Variants in TARS1 observed in about 807,000 individuals in gnomAD.
TARS1 encodes threonine--tRNA ligase 1, cytoplasmic.
Under a neutral mutation model 97.7 loss-of-function variants are expected in TARS1, and 57 were observed. The ratio of observed to expected loss-of-function variants is 0.58; its 90% confidence interval spans 0.47 to 0.73. TARS1 has a LOEUF of 0.73. Ranked by LOEUF, TARS1 falls within the 30% of genes least tolerant of loss-of-function variation. The pLI, the probability that TARS1 is intolerant of heterozygous loss-of-function variation, is 0.00. For missense variants in TARS1, 806 were observed against 888.3 expected, an observed-to-expected ratio of 0.91 and a Z score of 1.18; for synonymous variants, 312 against 293.7, an observed-to-expected ratio of 1.06 and a Z score of -0.64.
At chr5:33,443,306 C>CTCTCTCTCT (rs1561066108) in intron 1 of TARS1, among the ~76,000 whole-genome samples, 18 of 85,562 alleles carry the variant, frequency 2.1e-4, no homozygotes, top group East Asian at 1.3e-3. Flanking sequence ...GTGGTGATTC[C>CTCTCTCTCT]CTCTCTCTCT....
At chr5:33,460,503 T>G (rs1266247421) in intron 11 of TARS1, among the ~76,000 whole-genome samples, 1 of 152,170 alleles carries the variant, frequency 6.6e-6, no homozygotes, top group Non-Finnish European at 1.5e-5. Flanking sequence ...GAAGAACAGC[T>G]TAAGGGAAGA....
At position 33,463,784 on chromosome 5, in the gene TARS1, G is replaced by C. The variant is rs753428587; in HGVS notation, c.1867G>C (p.Val623Leu). 64 of 1,612,490 alleles carry C rather than the reference G, an allele frequency of 4.0e-5. No homozygotes were observed. The highest frequency in any genetic ancestry group is 5.3e-5 in the Non-Finnish European group (63 of 1,179,304). Residue 623 changes from valine to leucine, a missense_variant, in exon 17 of 19, where the codon GTA becomes CTA. By Grantham distance (32) the Val-to-Leu change is conservative. This residue lies in a region of TARS1 where 446 missense variants were observed against 511.0 expected (regional missense o/e 0.87). Coordinates refer to ENST00000265112, the MANE Select transcript of TARS1 (RefSeq NM_152295.5). ...PFWLSPRQVMVVPVGPTCDEY... is the reference protein window; with the variant it reads ...PFWLSPRQVMLVPVGPTCDEY... ...TTGGCTGTCCCCTCGCCAGGTAATG[G>C]TAGTTCCAGTGGGACCAACCTGTGA...
At position 33,448,562 on chromosome 5, in the gene TARS1, A is replaced by G; in HGVS notation, c.160A>G (p.Ile54Val). ...RAELNPWPEYIYTRLEMYNIL... is the reference protein window; with the variant it reads ...RAELNPWPEYVYTRLEMYNIL... Reference sequence around the variant, plus strand: ...GCAGTTGAATCCTTGGCCTGAATATATTTACACACGTCTTGAGATGTATAA... The same window carrying G: ...GCAGTTGAATCCTTGGCCTGAATATGTTTACACACGTCTTGAGATGTATAA... Residue 54 changes from isoleucine to valine, a missense_variant, in exon 3 of 19, where the codon ATT becomes GTT. By Grantham distance (29) the Ile-to-Val change is conservative. Coordinates refer to ENST00000265112, the MANE Select transcript of TARS1 (RefSeq NM_152295.5). The G allele has an allele frequency of 6.2e-7, 1 of 1,601,000 alleles. No homozygotes were observed. The highest frequency in any genetic ancestry group is 8.5e-7 in the Non-Finnish European group (1 of 1,173,594).
intron 4 of TARS1, among the ~76,000 whole-genome samples, chr5:33,454,223 G>A (rs78347783): frequency 0.21 from 31,265 of 152,078 alleles, 3,341 homozygotes; most frequent in Non-Finnish European, 0.24. Context: ...TCATATAAGG[G>A]GAGACAAAGT....
In TARS1 at chr5:33,463,598, A is replaced by G. The variant is rs1014266855; in HGVS notation, c.1836-155A>G. Reference sequence around the variant, plus strand: ...CTCCTCGCCTTAATCTTTATTGGATAGGTCTTTTCATTTTGGGGTTTTTTA... The same window carrying G: ...CTCCTCGCCTTAATCTTTATTGGATGGGTCTTTTCATTTTGGGGTTTTTTA... On this transcript the variant is annotated intron_variant, in intron 16 of 18. Transcript: ENST00000265112. 2.0e-5 allele frequency among the ~76,000 whole-genome samples: 3 copies of G among 152,178 alleles called. 1 individual carries two copies. The highest frequency in any genetic ancestry group is 4.8e-5 in the African/African-American group (2 of 41,438).
chr5:33,442,902 C>G (rs1207151196), intron 1 of TARS1, among the ~76,000 whole-genome samples: 1 of 152,142 alleles, frequency 6.6e-6, no homozygotes, highest in East Asian at 1.9e-4. Context: ...TGCTCAAACC[C>G]AGTATCCCCG....
At chr5:33,449,556 C>T (rs369563640) in intron 3 of TARS1, among the ~76,000 whole-genome samples, 7 of 144,692 alleles carry the variant, frequency 4.8e-5, no homozygotes, top group Admixed American at 2.1e-4. Context: ...CCCAGGTTCA[C>T]GCCATTCTCC....
In TARS1 at chr5:33,458,193, A is replaced by T. The variant is rs376054776; in HGVS notation, c.985-373A>T. ...TTCCTGATACTCTTACTAAGAAAAT[A>T]AATACATACATAAATAAAATGAAAA... On this transcript the variant is annotated intron_variant, in intron 9 of 18. Coordinates refer to ENST00000265112, the MANE Select transcript of TARS1 (RefSeq NM_152295.5). Among the ~76,000 whole-genome samples the T allele has an allele frequency of 7.9e-5, 12 of 152,342 alleles. No individual in the cohort carries two copies. In the South Asian group the frequency reaches 1.2e-3, roughly 16 times the overall value.
chr5:33,457,783 G>A (rs1378153053), intron 9 of TARS1, among the ~76,000 whole-genome samples: 1 of 152,184 alleles, frequency 6.6e-6, no homozygotes, highest in Non-Finnish European at 1.5e-5. Flanking sequence ...GTTGCCCAAG[G>A]TTTAGCAGCA....
Position 33,445,415 on chromosome 5 carries a change from T to C in TARS1, c.138+11T>C, listed in dbSNP as rs765806941. On this transcript the variant is annotated intron_variant, in intron 2 of 18. Coordinates refer to ENST00000265112, the MANE Select transcript of TARS1 (RefSeq NM_152295.5). ...GGAGGTCGAGCTGAGGTAAAAGTTA[T>C]CATCACAGAGGGCTCTGTTATCAGA... 4.4e-6 allele frequency: 7 copies of C among 1,604,172 alleles called. No homozygotes were observed. Among genetic ancestry groups the C allele is most frequent in the African/African-American group, 2.9e-5 (2 of 68,190 alleles).
chr5:33,443,296 G>A (rs1741208056), intron 1 of TARS1, among the ~76,000 whole-genome samples: 1 of 137,522 alleles, frequency 7.3e-6, no homozygotes, highest in African/African-American at 2.8e-5. Context: ...GAAAACCTTT[G>A]TGGTGATTCC....
intron 17 of TARS1, among the ~76,000 whole-genome samples, chr5:33,465,816 TC>T (rs1742505204): frequency 6.6e-6 from 1 of 152,214 alleles, no homozygotes; most frequent in African/African-American, 2.4e-5. Context: ...GTGTTGTAGA[TC>T]ATTTAGAATC....
At chr5:33,466,585 G>A (rs2111609110) in intron 17 of TARS1, among the ~76,000 whole-genome samples, 1 of 152,130 alleles carries the variant, frequency 6.6e-6, no homozygotes, top group East Asian at 1.9e-4. Context: ...GTTTAATCTA[G>A]TTAATGTAAA....
upstream of TARS1, chr5:33,440,769 A>G (rs562097383): frequency 5.0e-5 from 24 of 477,768 alleles, no homozygotes; most frequent in South Asian, 8.6e-4. Context: ...GAAAGCGTCC[A>G]GACCAAGGTC....
rs1285976224 is a variant in TARS1 at position 33,448,704 on chromosome 5, C to T, written c.302C>T (p.Thr101Ile). The T allele has an allele frequency of 6.2e-7, 1 of 1,613,504 alleles. No individual in the cohort carries two copies. The highest frequency in any genetic ancestry group is 8.5e-7 in the Non-Finnish European group (1 of 1,179,782). ...GTTGATGCGGAATCTTGGAAAACTA[C>T]ACCATATCAAATTGCCTGTGGAATT... ...KQVDAESWKT[T>I]PYQIACGISQ... Residue 101 changes from threonine (T) to isoleucine (I), a missense_variant, in exon 3 of 19, where the codon ACA (threonine) becomes ATA (isoleucine). This residue lies in a region of TARS1 where 356 missense variants were observed against 357.8 expected (regional missense o/e 0.99). Transcript: ENST00000265112.
At chr5:33,450,100 C>CA (rs1421851363) in intron 3 of TARS1, among the ~76,000 whole-genome samples, 2 of 152,188 alleles carry the variant, frequency 1.3e-5, no homozygotes, top group Non-Finnish European at 2.9e-5. Context: ...CCTAACTTGA[C>CA]AGTGTTTTTG....
intron 3 of TARS1, among the ~76,000 whole-genome samples, chr5:33,449,358 T>TATATATATATATATATATATATGTATAG (rs59141272): frequency 2.7e-5 from 4 of 146,404 alleles, no homozygotes; most frequent in African/African-American, 1.0e-4. Flanking sequence ...TATATATATA[T>TATATATATATATATATATATATGTATAG]CTTAAACTGG....
rs193108547 is a variant in TARS1 at position 33,459,578 on chromosome 5, C to T, written c.1084-117C>T. 5.3e-3 allele frequency: 6,419 copies of T among 1,219,236 alleles called. 30 individuals carry two copies. Among genetic ancestry groups the T allele is most frequent in the Non-Finnish European group, 6.7e-3 (5,812 of 871,322 alleles). The allele number at this position is 1,219,236 out of a possible 1,614,324, so 75.5% of individuals were successfully genotyped here. On this transcript the variant is annotated intron_variant, in intron 10 of 18. Coordinates refer to ENST00000265112, the MANE Select transcript of TARS1 (RefSeq NM_152295.5). The stretch of plus-strand genomic sequence containing the variant: ...ATACTTAGAAGTGGGATTTCTGAAT[C>T]ATGGCATGTGTCCATCTTTTTCATG...
chr5:33,449,532 T>C (rs1487049900), intron 3 of TARS1, among the ~76,000 whole-genome samples: 2 of 139,076 alleles, frequency 1.4e-5, no homozygotes, highest in East Asian at 2.2e-4. Context: ...CTTGGCTCAC[T>C]GCAAGCTCCA....
Sources: allele counts gnomAD v4.1 joint callset (sites outside exome capture counted in the v4.1 genomes callset), GRCh38; gene constraint gnomAD v4.1.1; regional missense constraint gnomAD v4.1.1; transcripts MANE v1.5; gene names NCBI Gene and HGNC (gene_info 2026-07-23, HGNC 2026-07-21).